ZFHX4: variants seen among roughly 807,000 people sequenced by gnomAD.
ZFHX4 encodes the protein zinc finger homeobox 4, also known as zinc finger homeobox protein 4.
ZFHX4 carries 56 observed loss-of-function variants against 267.6 expected under a neutral mutation model. That is an observed-to-expected ratio of 0.21 (90% CI 0.17 to 0.26). ZFHX4 has a LOEUF of 0.26. Among genes scored for constraint, ZFHX4 ranks in the 10% least tolerant of loss-of-function variants. The pLI, the probability that ZFHX4 is intolerant of heterozygous loss-of-function variation, is 1.00. For missense variants in ZFHX4, 4,332 were observed against 4,420.0 expected (o/e 0.98, Z 0.56); for synonymous variants, 1,778 against 1,665.6 (o/e 1.07, Z -1.64).
chr8:76,710,049 T>G (rs1808384385), intron 3 of ZFHX4, among the ~76,000 whole-genome samples: 1 of 152,194 alleles, frequency 6.6e-6, no homozygotes, highest in Non-Finnish European at 1.5e-5. Flanking sequence ...TACTCTTTCC[T>G]TAAAAATGTT....
chr8:76,717,421 T>G (rs1166855643), intron 3 of ZFHX4, among the ~76,000 whole-genome samples: 1 of 152,198 alleles, frequency 6.6e-6, no homozygotes, highest in Non-Finnish European at 1.5e-5. Flanking sequence ...TCTGGGTACC[T>G]GATCCGGCAG....
At chr8:76,764,542 T>C (rs557347974) in intron 3 of ZFHX4, among the ~76,000 whole-genome samples, 2 of 152,340 alleles carry the variant, frequency 1.3e-5, no homozygotes, top group South Asian at 4.1e-4. Flanking sequence ...ATGGTCTTGA[T>C]AGATTTAAGC....
At chr8:76,856,930 T>G (rs1812745376) in intron 10 of ZFHX4, among the ~76,000 whole-genome samples, 1 of 152,210 alleles carries the variant, frequency 6.6e-6, no homozygotes, top group Non-Finnish European at 1.5e-5. Context: ...TAACATGCAT[T>G]GCTACTTGTT....
chr8:76,792,547 T>C (rs1810865592), intron 4 of ZFHX4, among the ~76,000 whole-genome samples: 1 of 152,214 alleles, frequency 6.6e-6, no homozygotes, highest in African/African-American at 2.4e-5. Context: ...TTAATCATTC[T>C]GGAAGACCAC....
chr8:76,682,588 C>T (rs1359481945), intron 1 of ZFHX4: 1 of 152,306 alleles, frequency 6.6e-6, no homozygotes, highest in Non-Finnish European at 1.5e-5. Flanking sequence ...AACGGAACGC[C>T]GCCGGGTGTG....
chr8:76,794,924 C>T (rs1028166127), intron 4 of ZFHX4, among the ~76,000 whole-genome samples: 1 of 150,752 alleles, frequency 6.6e-6, no homozygotes, highest in Non-Finnish European at 1.5e-5. Flanking sequence ...CAAATCAAGC[C>T]TCTTCTCAGT....
At chr8:76,857,573 C>T (rs1328897837) in intron 10 of ZFHX4, among the ~76,000 whole-genome samples, 10 of 151,934 alleles carry the variant, frequency 6.6e-5, no homozygotes, top group African/African-American at 9.7e-5. Flanking sequence ...CCTCAGCCAC[C>T]GCTAGCTTAC....
At chr8:76,835,213 A>G (rs1162933809) in intron 5 of ZFHX4, among the ~76,000 whole-genome samples, 1 of 104,046 alleles carries the variant, frequency 9.6e-6, no homozygotes, top group Non-Finnish European at 1.8e-5. Flanking sequence ...TTTGGTGTAT[A>G]TATATGTATA....
intron 3 of ZFHX4, among the ~76,000 whole-genome samples, chr8:76,766,795 G>A (rs1016995622): frequency 6.6e-6 from 1 of 151,854 alleles, no homozygotes; most frequent in African/African-American, 2.4e-5. Flanking sequence ...CTTTTTGAAT[G>A]TACAAATGGT....
intron 4 of ZFHX4, among the ~76,000 whole-genome samples, chr8:76,815,234 T>A (rs1811474852): frequency 6.6e-6 from 1 of 152,086 alleles, no homozygotes; most frequent in Non-Finnish European, 1.5e-5. Context: ...AGGTTAATAA[T>A]GTGAAAGGGA....
rs1261736155 is a variant in ZFHX4, at chr8:76,776,078, ATTGGTACCATTTTTAAT to A, written c.3094-2128_3094-2112del. On this transcript the variant is annotated intron_variant, in intron 3 of 10. Coordinates refer to ENST00000651372, the MANE Select transcript of ZFHX4 (RefSeq NM_024721.5). ...TTGTTAAATAGCCCTTGCTCCTTTT[ATTGGTACCATTTTTAAT>A]TCACTTGAATCAACAAGCATAAGGA... Among the ~76,000 whole-genome samples, 3 of 151,994 alleles carry A rather than the reference ATTGGTACCATTTTTAAT, an allele frequency of 2.0e-5. No homozygotes were observed. The East Asian group carries it at 5.8e-4, about 30-fold the overall frequency.
At chr8:76,753,951 T>A (rs1187827759) in intron 3 of ZFHX4, among the ~76,000 whole-genome samples, 1 of 139,996 alleles carries the variant, frequency 7.1e-6, no homozygotes, top group Non-Finnish European at 1.6e-5. Context: ...TGCAAAAAAA[T>A]TATTTTATAA....
chr8:76,787,588 G>T (rs1227897738), intron 4 of ZFHX4, among the ~76,000 whole-genome samples: 2 of 150,254 alleles, frequency 1.3e-5, no homozygotes, highest in Non-Finnish European at 3.0e-5. Context: ...GGATCACGAG[G>T]TCAGGAGATT....
At chr8:76,745,132 C>A (rs113028890) in intron 3 of ZFHX4, among the ~76,000 whole-genome samples, 1 of 152,086 alleles carries the variant, frequency 6.6e-6, no homozygotes, top group Non-Finnish European at 1.5e-5. Flanking sequence ...CTATAAAACC[C>A]GGTTTAAAAA....
chr8:76,683,286 A>G, intron 1 of ZFHX4: 1 of 144,870 alleles, frequency 6.9e-6, no homozygotes, highest in Non-Finnish European at 1.5e-5. Context: ...CTCAACACAC[A>G]CTCACAGACA....
At chr8:76,761,404 G>A (rs913112457) in intron 3 of ZFHX4, among the ~76,000 whole-genome samples, 3 of 152,174 alleles carry the variant, frequency 2.0e-5, no homozygotes, top group African/African-American at 7.2e-5. Context: ...CTACATGTGG[G>A]TGCAAGCTTA....
intron 1 of ZFHX4, among the ~76,000 whole-genome samples, chr8:76,696,972 C>A (rs1186610739): frequency 6.6e-6 from 1 of 151,918 alleles, no homozygotes; most frequent in Non-Finnish European, 1.5e-5. Context: ...TTATTGAAAT[C>A]ATTGCTCAAG....
chr8:76,686,355 G>A (rs1350720190), intron 1 of ZFHX4, among the ~76,000 whole-genome samples: 1 of 152,152 alleles, frequency 6.6e-6, no homozygotes, highest in Admixed American at 6.5e-5. Context: ...ATTCTGAGGT[G>A]TGACATTAAA....
Position 76,706,192 on chromosome 8 carries a change from G to A in ZFHX4, c.2104G>A (p.Glu702Lys). 1 of 1,614,060 alleles carries A rather than the reference G, an allele frequency of 6.2e-7. No individual in the cohort carries two copies. Among genetic ancestry groups the A allele is most frequent in the South Asian group, 1.1e-5 (1 of 91,070 alleles). Residue 702 changes from glutamate to lysine, a missense_variant, in exon 2 of 11, where the codon GAG becomes AAG. Coordinates refer to ENST00000651372, the MANE Select transcript of ZFHX4 (RefSeq NM_024721.5). ...YTCGYKPFRC[E>K]VCNYSTTTKG... is the part of the protein sequence containing the mutation. ...GTGTGGCTATAAACCCTTCCGTTGT[G>A]AGGTTTGTAACTACTCTACCACTAC...
Sources: gnomAD v4.1 joint callset for allele counts (sites outside exome capture counted in the v4.1 genomes callset) on GRCh38, gnomAD v4.1.1 for gene constraint, MANE v1.5 for transcripts, NCBI Gene and HGNC (gene_info 2026-07-23, HGNC 2026-07-21) for gene names.